Variants in CHD5 observed in about 807,000 individuals in gnomAD.
CHD5 encodes the protein ATP-dependent chromatin remodeler CHD5.
In CHD5, 69 loss-of-function variants were observed where a neutral mutation model predicts 230.3. That is an observed-to-expected ratio of 0.30 (90% confidence interval 0.25 to 0.37). CHD5 has a LOEUF of 0.37. Among genes scored for constraint, CHD5 ranks in the 10% least tolerant of loss-of-function variants. The pLI, the probability that CHD5 is intolerant of heterozygous loss-of-function variation, is 1.00. For synonymous variants in CHD5, 1,064 were observed against 1,065.9 expected, an observed-to-expected ratio of 1.00 and a Z score of 0.03; for missense variants, 1,827 against 2,622.8, an observed-to-expected ratio of 0.70 and a Z score of 6.63.
chr1:6,107,755 TGGA>T (rs1666215229), intron 38 of CHD5, among the ~76,000 whole-genome samples: 1 of 93,852 alleles, frequency 1.1e-5, no homozygotes. Flanking sequence ...GATGGAGAGA[TGGA>T]GGGATGATGG....
intron 35 of CHD5, 99 bp from the exon 36 acceptor site, chr1:6,111,982 A>G (rs1666299322): frequency 7.3e-7 from 1 of 1,378,104 alleles, no homozygotes; most frequent in Middle Eastern, 1.8e-4. Context: ...CACTGCCTCC[A>G]CCCCCAGAGG....
chr1:6,146,521 A>G lies in CHD5; in HGVS notation c.1591-98T>C. On this transcript the variant is annotated intron_variant, in intron 10 of 41. Coordinates refer to ENST00000262450, the MANE Select transcript of CHD5 (RefSeq NM_015557.3). The surrounding 1 kb of genome is among the most constrained non-coding windows in gnomAD (Gnocchi z 5.1). ...TCTAGCCCCAGCCCAGGTCCCAGGCAGGACAATCCTCCCGCTCAGCACCAC... is the reference window on the plus strand; with the variant it reads ...TCTAGCCCCAGCCCAGGTCCCAGGCGGGACAATCCTCCCGCTCAGCACCAC... 1 of 1,411,784 alleles carries G rather than the reference A, an allele frequency of 7.1e-7. No homozygotes were observed. Among genetic ancestry groups the G allele is most frequent in the Non-Finnish European group, 9.9e-7 (1 of 1,008,252 alleles). The allele number at this position is 1,411,784 out of a possible 1,614,324, so 87.5% of individuals were successfully genotyped here. A position where few individuals can be genotyped will look rare whatever the true frequency, so the allele number is the denominator to read the frequency against.
Position 6,109,925 on chromosome 1 carries a change from C to T in CHD5, c.5448G>A (p.Gln1816=). 1 of 1,607,224 alleles carries T rather than the reference C, an allele frequency of 6.2e-7. No homozygotes were observed. Among genetic ancestry groups the T allele is most frequent in the South Asian group, 1.1e-5 (1 of 90,254 alleles). Residue 1816 remains glutamine (Q), a synonymous_variant, in exon 38 of 42, where the codon CAG becomes CAA. Coordinates refer to ENST00000262450, the MANE Select transcript of CHD5 (RefSeq NM_015557.3). ...LRRAAYLNMT[Q]DPNHPAMALN... Reference sequence around the variant, plus strand: ...GGGCCATGGCGGGGTGGTTGGGGTCCTGCGTCATGTTCAGGTACGCGGCCC... The same window carrying T: ...GGGCCATGGCGGGGTGGTTGGGGTCTTGCGTCATGTTCAGGTACGCGGCCC...
intron 15 of CHD5, among the ~76,000 whole-genome samples, chr1:6,139,085 G>T (rs1275806794): frequency 2.0e-5 from 3 of 152,162 alleles, no homozygotes; most frequent in African/African-American, 7.2e-5. Context: ...GACAGTAGAT[G>T]GGTGGCTGCC....
intron 1 of CHD5, among the ~76,000 whole-genome samples, chr1:6,170,040 C>T (rs182550053): frequency 6.4e-4 from 97 of 152,246 alleles, no homozygotes; most frequent in African/African-American, 2.2e-3. Flanking sequence ...GGCAGAGTGT[C>T]CCTGCTGGAT....
chr1:6,127,847 C>T (rs1212291490), intron 25 of CHD5, among the ~76,000 whole-genome samples, 199 bp downstream of exon 25: 1 of 151,900 alleles, frequency 6.6e-6, no homozygotes, highest in African/African-American at 2.4e-5. Flanking sequence ...GGCCGGAGCA[C>T]GTGGTTGGAG....
At chr1:6,117,930 C>T (rs1407856241) in intron 33 of CHD5, among the ~76,000 whole-genome samples, 1 of 152,080 alleles carries the variant, frequency 6.6e-6, no homozygotes, top group East Asian at 1.9e-4. Flanking sequence ...AGTTCTACTC[C>T]TAGATATATA....
intron 15 of CHD5, among the ~76,000 whole-genome samples, chr1:6,138,032 T>C (rs571901664): frequency 3.2e-4 from 49 of 152,168 alleles, no homozygotes; most frequent in Non-Finnish European, 6.0e-4. Flanking sequence ...CCTGTGAGGG[T>C]CTGCACTCTC....
intron 33 of CHD5, among the ~76,000 whole-genome samples, chr1:6,115,276 C>T (rs546339333): frequency 6.6e-6 from 1 of 151,674 alleles, no homozygotes; most frequent in East Asian, 1.9e-4. Context: ...AAAGGAAACA[C>T]ACAATCATTA....
Position 6,131,675 on chromosome 1 carries a change from C to G in CHD5, c.3218G>C (p.Gly1073Ala), listed in dbSNP as rs752257270. The G allele has an allele frequency of 1.9e-6, 3 of 1,613,388 alleles. No homozygotes were observed. The East Asian group carries it at 6.7e-5, about 36-fold the overall frequency. ...EGYKYERIDG[G>A]ITGGLRQEAI... is the part of the protein sequence containing the mutation. Reference sequence around the variant, plus strand: ...CTCCTGCCGGAGGCCCCCGGTGATGCCACCATCAATCCGCTCATACTTGTA... The same window carrying G: ...CTCCTGCCGGAGGCCCCCGGTGATGGCACCATCAATCCGCTCATACTTGTA... Residue 1073 changes from glycine to alanine, a missense_variant, in exon 21 of 42, where the codon GGC becomes GCC. Transcript: ENST00000262450. The surrounding 1 kb of genome is among the most constrained non-coding windows in gnomAD (Gnocchi z 5.0).
chr1:6,125,307 A>C lies in CHD5; in HGVS notation c.4261-74T>G. Reference sequence around the variant, plus strand: ...GGGTGGAGGATTCTGGGATGGGGGAAGAAAAGCATGGGAGGAGGAGAAGGT... The same window carrying C: ...GGGTGGAGGATTCTGGGATGGGGGACGAAAAGCATGGGAGGAGGAGAAGGT... On this transcript the variant is annotated intron_variant, in intron 28 of 41. Coordinates refer to ENST00000262450, the MANE Select transcript of CHD5 (RefSeq NM_015557.3). The surrounding 1 kb of genome is among the most constrained non-coding windows in gnomAD (Gnocchi z 6.7). The C allele has an allele frequency of 6.8e-7, 1 of 1,462,182 alleles. No individual in the cohort carries two copies. Among genetic ancestry groups the C allele is most frequent in the Non-Finnish European group, 9.2e-7 (1 of 1,084,264 alleles). The allele number at this position is 1,462,182 out of a possible 1,614,324, so 90.6% of individuals were successfully genotyped here.
Position 6,130,552 on chromosome 1 carries a change from G to C in CHD5, c.3263-224C>G, listed in dbSNP as rs1221531483. On this transcript the variant is annotated intron_variant, in intron 21 of 41. Coordinates refer to ENST00000262450, the MANE Select transcript of CHD5 (RefSeq NM_015557.3). This position sits in a 1 kb window ranked among gnomAD's most constrained non-coding sequence, Gnocchi z 4.9. The stretch of plus-strand genomic sequence containing the variant: ...AGCCCCCAGCGAGCTCTGAGCCCTA[G>C]TGCAGTGGGAGGGCACTGGAACGAG... Among the ~76,000 whole-genome samples, 1 of 152,126 alleles carries C rather than the reference G, an allele frequency of 6.6e-6. No individual in the cohort carries two copies. Among genetic ancestry groups the C allele is most frequent in the Non-Finnish European group, 1.5e-5 (1 of 68,014 alleles).
intron 39 of CHD5, 38 bp downstream of exon 39, chr1:6,106,578 C>A (rs779791978): frequency 6.4e-7 from 1 of 1,551,326 alleles, no homozygotes. Flanking sequence ...AGGGGCACGC[C>A]AGGGGGCTCG....
At chr1:6,152,661 G>C in intron 5 of CHD5, 125 bp from the exon 6 acceptor site, 1 of 1,481,774 alleles carries the variant, frequency 6.7e-7, no homozygotes, top group Non-Finnish European at 9.1e-7. Context: ...CCCCGTTTCA[G>C]ATGAGATGCC....
rs1427151635 is a variant in CHD5, at chr1:6,134,289, G to T, written c.3013-30C>A. The stretch of plus-strand genomic sequence containing the variant: ...AGACACAGCAGGAGGTGGGGCATTG[G>T]TGGGCTCCCCTCTCCTCTCTGACTC... On this transcript the variant is annotated intron_variant, in intron 19 of 41. Coordinates refer to ENST00000262450, the MANE Select transcript of CHD5 (RefSeq NM_015557.3). The surrounding 1 kb of genome is among the most constrained non-coding windows in gnomAD (Gnocchi z 6.3). 1 of 1,607,632 alleles carries T rather than the reference G, an allele frequency of 6.2e-7. No homozygotes were observed. Among genetic ancestry groups the T allele is most frequent in the Admixed American group, 1.7e-5 (1 of 59,984 alleles).
intron 33 of CHD5, among the ~76,000 whole-genome samples, chr1:6,115,223 G>T (rs1175999538): frequency 1.3e-5 from 2 of 151,648 alleles, no homozygotes; most frequent in South Asian, 2.1e-4. Context: ...CTACTTGGGA[G>T]GCTGAGGTGG....
At chr1:6,144,490 G>C (rs1333726963) in intron 11 of CHD5, among the ~76,000 whole-genome samples, 4 of 152,202 alleles carry the variant, frequency 2.6e-5, no homozygotes. Flanking sequence ...CAGGAGTTCT[G>C]GATTTCTAAG....
At chr1:6,179,646 G>A (rs2100893901) in intron 1 of CHD5, among the ~76,000 whole-genome samples, 1 of 149,624 alleles carries the variant, frequency 6.7e-6, no homozygotes, top group African/African-American at 2.4e-5. Flanking sequence ...ACAGCGCCGC[G>A]CCCCCCAGCG....
intron 15 of CHD5, 101 bp from the exon 16 acceptor site, chr1:6,136,966 C>A (rs1666755730): frequency 7.6e-7 from 1 of 1,319,190 alleles, no homozygotes. Context: ...CAGGAACCCA[C>A]AAAGGCTCCA....
Sources: allele counts gnomAD v4.1 joint callset (sites outside exome capture counted in the v4.1 genomes callset), GRCh38; gene constraint gnomAD v4.1.1; non-coding constraint Gnocchi (gnomAD v3.1); transcripts MANE v1.5; gene names NCBI Gene and HGNC (gene_info 2026-07-23, HGNC 2026-07-21).